PUS7: variants seen among roughly 807,000 people sequenced by gnomAD.
PUS7 encodes the protein pseudouridylate synthase 7 homolog.
Under a neutral mutation model 79.8 loss-of-function variants are expected in PUS7, and 48 were observed. The ratio of observed to expected loss-of-function variants is 0.60; its 90% CI spans 0.48 to 0.76. The LOEUF (loss-of-function observed/expected upper bound fraction) is 0.76, where lower values mean the gene tolerates loss of function less well. Ranked by LOEUF, PUS7 falls within the 30% of genes least tolerant of loss-of-function variation. PUS7 has a pLI of 0.00. For synonymous variants in PUS7, 286 were observed against 272.2 expected (o/e 1.05, Z -0.50); for missense variants, 729 against 797.6 (o/e 0.91, Z 1.04).
At chr7:105,509,179 C>T (rs1825603160) in intron 1 of PUS7, among the ~76,000 whole-genome samples, 1 of 47,652 alleles carries the variant, frequency 2.1e-5, no homozygotes, top group South Asian at 1.1e-3. Context: ...AGCAAGACTC[C>T]ATCTCAAAAA....
chr7:105,518,058 G>C (rs1380151399), intron 1 of PUS7, among the ~76,000 whole-genome samples: 2 of 152,084 alleles, frequency 1.3e-5, no homozygotes, highest in Non-Finnish European at 2.9e-5. Context: ...TGAGACAGGA[G>C]AATCGCTTGA....
chr7:105,496,913 G>A lies in PUS7; in HGVS notation c.731-1660C>T, dbSNP rs550099287. The A allele has an allele frequency of 3.5e-6, 4 of 1,156,840 alleles. No homozygotes were observed. The East Asian group carries it at 2.0e-4, about 58-fold the overall frequency. 71.7% of individuals were successfully genotyped at this position (1,156,840 alleles called of 1,614,324 possible). A position where few individuals can be genotyped will look rare whatever the true frequency, so the allele number is the denominator to read the frequency against. On this transcript the variant is annotated intron_variant, in intron 5 of 15. Coordinates refer to ENST00000469408, the MANE Select transcript of PUS7 (RefSeq NM_019042.5). Reference sequence around the variant, plus strand: ...ACTTAGCACTTGTGACAAAATCTTTGGCATTTCACTTTATCTACATGAAAT... The same window carrying A: ...ACTTAGCACTTGTGACAAAATCTTTAGCATTTCACTTTATCTACATGAAAT...
chr7:105,488,756 A>C (rs1377194951), intron 7 of PUS7, among the ~76,000 whole-genome samples: 1 of 152,226 alleles, frequency 6.6e-6, no homozygotes, highest in Admixed American at 6.5e-5. Flanking sequence ...AAGGAAAAAA[A>C]GTCCCTCAAA....
intron 5 of PUS7, 138 bp downstream of exon 5, chr7:105,502,282 C>G (rs891969491): frequency 4.5e-6 from 5 of 1,110,970 alleles, no homozygotes; most frequent in Non-Finnish European, 6.4e-6. Context: ...CTCACCCTCT[C>G]TGAAGGAGGG....
chr7:105,481,219 C>A, intron 8 of PUS7, 42 bp from the exon 9 acceptor site: 2 of 1,573,700 alleles, frequency 1.3e-6, no homozygotes, highest in Admixed American at 1.8e-5. Flanking sequence ...AAGTTACAGT[C>A]AAATACTCAG....
intron 12 of PUS7, among the ~76,000 whole-genome samples, chr7:105,467,291 CTTCT>C (rs927830068): frequency 2.8e-4 from 19 of 67,054 alleles, no homozygotes; most frequent in East Asian, 2.8e-3. Flanking sequence ...TGAAGAAACT[CTTCT>C]TTTTTTTTTT....
intron 7 of PUS7, among the ~76,000 whole-genome samples, chr7:105,491,194 T>C (rs1406588472): frequency 1.3e-5 from 2 of 152,194 alleles, no homozygotes; most frequent in Non-Finnish European, 2.9e-5. Context: ...CTAATTATAA[T>C]TGCTTCAAAA....
intron 9 of PUS7, among the ~76,000 whole-genome samples, chr7:105,478,408 C>T (rs1824191162): frequency 6.6e-6 from 1 of 152,138 alleles, no homozygotes; most frequent in African/African-American, 2.4e-5. Flanking sequence ...TTTCCAAAAT[C>T]GTTATACCAT....
chr7:105,465,419 A>G lies in PUS7; in HGVS notation c.1526-5T>C, dbSNP rs1407602819. The G allele has an allele frequency of 3.8e-6, 6 of 1,587,296 alleles. No homozygotes were observed. Among genetic ancestry groups the G allele is most frequent in the Non-Finnish European group, 5.2e-6 (6 of 1,158,512 alleles). Reference sequence around the variant, plus strand: ...CCTCAATATAGGTGGCTGTGGCTGTAAATTCACAAGTGAACAATAAATTAA... The same window carrying G: ...CCTCAATATAGGTGGCTGTGGCTGTGAATTCACAAGTGAACAATAAATTAA... On this transcript the variant is annotated splice_polypyrimidine_tract_variant and splice_region_variant and intron_variant, in intron 12 of 15. Transcript: ENST00000469408.
At chr7:105,468,612 G>C (rs896898880) in intron 11 of PUS7, 149 bp from the exon 12 acceptor site, 1 of 620,686 alleles carries the variant, frequency 1.6e-6, no homozygotes, top group Non-Finnish European at 2.6e-6. Flanking sequence ...CCACCTCCCG[G>C]GTTCAAGCAA....
chr7:105,499,690 A>G (rs1349825813), intron 5 of PUS7, among the ~76,000 whole-genome samples: 1 of 152,224 alleles, frequency 6.6e-6, no homozygotes, highest in Non-Finnish European at 1.5e-5. Flanking sequence ...AATCCACCAC[A>G]TCTATGTTTT....
chr7:105,458,783 G>C (rs1339144243), intron 15 of PUS7, among the ~76,000 whole-genome samples: 2 of 151,544 alleles, frequency 1.3e-5, no homozygotes, highest in Non-Finnish European at 2.9e-5. Context: ...CCGTGGTCTC[G>C]ATCTCCTGAC....
intron 1 of PUS7, among the ~76,000 whole-genome samples, chr7:105,518,438 T>C (rs909208070): frequency 3.9e-5 from 6 of 152,160 alleles, no homozygotes; most frequent in Admixed American, 3.3e-4. Context: ...TGTCTCACTC[T>C]GTCACCCAGG....
chr7:105,468,213 G>A (rs544386593), intron 12 of PUS7, 124 bp downstream of exon 12: 145 of 1,303,632 alleles, frequency 1.1e-4, no homozygotes, highest in South Asian at 9.7e-4. Context: ...GATTATGGGC[G>A]TGTACCACCG....
rs577208555 is a variant in PUS7 at position 105,495,073 on chromosome 7, T to C, written c.842+69A>G. ...TGTGCTCCTCCTGCTCCTTTTTCCA[T>C]TAGCATGGAAAAAGGAATATACGTT... On this transcript the variant is annotated intron_variant, in intron 6 of 15. Coordinates refer to ENST00000469408, the MANE Select transcript of PUS7 (RefSeq NM_019042.5). 4.1e-5 allele frequency: 35 copies of C among 853,092 alleles called. No homozygotes were observed. In the African/African-American group the frequency reaches 5.3e-4, roughly 13 times the overall value. 52.8% of individuals were successfully genotyped at this position (853,092 alleles called of 1,614,324 possible). A position where few individuals can be genotyped will look rare whatever the true frequency, so the allele number is the denominator to read the frequency against.
intron 5 of PUS7, among the ~76,000 whole-genome samples, chr7:105,498,014 A>C (rs1384647290): frequency 1.3e-5 from 2 of 152,336 alleles, no homozygotes; most frequent in Middle Eastern, 3.4e-3. Flanking sequence ...ACAAGAAATA[A>C]ATGAAGCCAC....
rs1823838658 is a variant in PUS7 at position 105,470,733 on chromosome 7, T to C, written c.1353A>G (p.Gly451=). 2.2e-5 allele frequency: 35 copies of C among 1,610,670 alleles called. No homozygotes were observed. The highest frequency in any genetic ancestry group is 3.0e-5 in the Non-Finnish European group (35 of 1,177,414). The change falls in exon 11 of 16, where the codon GGA becomes GGG. Residue 451 remains glycine, a synonymous_variant. Coordinates refer to ENST00000469408, the MANE Select transcript of PUS7 (RefSeq NM_019042.5). ...TATTCTTCATTCCATATTTTGAAAG[T>C]CCTCGAAGCAGCTGCCCTTCCACAC... The part of the protein sequence containing the change: ...KRCVEGQLLR[G]LSKYGMKNIV...
At chr7:105,475,334 C>G (rs183472833) in intron 9 of PUS7, among the ~76,000 whole-genome samples, 3 of 152,152 alleles carry the variant, frequency 2.0e-5, no homozygotes, top group Non-Finnish European at 2.9e-5. Context: ...TACAGGCGCG[C>G]GCCACCACGC....
intron 7 of PUS7, among the ~76,000 whole-genome samples, chr7:105,486,859 A>G (rs1317119028): frequency 1.3e-5 from 2 of 151,998 alleles, no homozygotes; most frequent in East Asian, 3.9e-4. Context: ...GAGGAGTTCG[A>G]GACCAGCCTG....
Sources: gnomAD v4.1 joint callset for allele counts (sites outside exome capture counted in the v4.1 genomes callset) on GRCh38, gnomAD v4.1.1 for gene constraint, MANE v1.5 for transcripts, NCBI Gene and HGNC (gene_info 2026-07-23, HGNC 2026-07-21) for gene names.